The following DCHS2 variants were observed in gnomAD, a reference collection of about 807,000 sequenced individuals.
The protein encoded by DCHS2 is dachsous cadherin-related 2.
A neutral mutation model predicts 182.4 loss-of-function variants in DCHS2; 142 were observed. The observed-to-expected ratio is 0.78, with a 90% CI of 0.68 to 0.89. The LOEUF (loss-of-function observed/expected upper bound fraction) is 0.89, where lower values mean the gene tolerates loss of function less well. Ranked by LOEUF, DCHS2 falls within the 40% of genes least tolerant of loss-of-function variation. The pLI is 0.00. For synonymous variants in DCHS2, 1,740 were observed against 1,663.3 expected (o/e 1.05, Z -1.12); for missense variants, 4,319 against 4,198.6 (o/e 1.03, Z -0.79).
In DCHS2 at chr4:154,400,762, T is replaced by C. The variant is rs1004818847; in HGVS notation, c.2053-23318A>G. On this transcript the variant is annotated intron_variant, in intron 1 of 19. Transcript: ENST00000357232. ...TAGCTACAAAATCCCTCCCTCTCTCTCATGTAACGTTGCACACATTCGCTC... is the reference window on the plus strand; with the variant it reads ...TAGCTACAAAATCCCTCCCTCTCTCCCATGTAACGTTGCACACATTCGCTC... 4.6e-5 allele frequency among the ~76,000 whole-genome samples: 7 copies of C among 152,290 alleles called. No homozygotes were observed. The East Asian group carries it at 1.4e-3, about 29-fold the overall frequency.
chr4:154,363,204 A>T (rs572342550), intron 3 of DCHS2, among the ~76,000 whole-genome samples: 1 of 152,180 alleles, frequency 6.6e-6, no homozygotes. Context: ...CAGAAAGTCT[A>T]CTTCTGAGTA....
chr4:154,258,845 G>A (rs936902969), intron 15 of DCHS2, among the ~76,000 whole-genome samples: 86 of 152,266 alleles, frequency 5.6e-4, no homozygotes, highest in Admixed American at 5.6e-3. Flanking sequence ...GGGCCAAAAG[G>A]AATGACCCTC....
chr4:154,489,879 C>A lies in DCHS2; in HGVS notation c.1477G>T (p.Val493Leu), dbSNP rs1728732701. 9 of 1,542,182 alleles carry A rather than the reference C, an allele frequency of 5.8e-6. No homozygotes were observed. Among genetic ancestry groups the A allele is most frequent in the Non-Finnish European group, 7.9e-6 (9 of 1,141,306 alleles). The change falls in exon 1 of 20, where the codon GTG becomes TTG. Residue 493 changes from valine (V) to leucine (L), a missense_variant. By Grantham distance (32) the Val-to-Leu change is conservative. Transcript: ENST00000357232. ...CTCTCTCTGTCCAGGGGCCCCTCCA[C>A]GCAAAGGAAAAATACCCCTGGGGGG... ...GGPPGVFFLCVEGPLDRESRD... is the reference protein window; with the variant it reads ...GGPPGVFFLCLEGPLDRESRD...
At chr4:154,346,321 C>T (rs779610120) in intron 3 of DCHS2, among the ~76,000 whole-genome samples, 10 of 152,082 alleles carry the variant, frequency 6.6e-5, no homozygotes, top group Non-Finnish European at 7.4e-5. Flanking sequence ...GACAATAGAA[C>T]GGAACAGACA....
At chr4:154,240,952 C>T in intron 17 of DCHS2, 129 bp from the exon 18 acceptor site, 11 of 1,391,538 alleles carry the variant, frequency 7.9e-6, no homozygotes, top group Non-Finnish European at 8.6e-6. Flanking sequence ...CTTGATTTCT[C>T]ATACAAAGCT....
intron 1 of DCHS2, among the ~76,000 whole-genome samples, chr4:154,480,305 A>G (rs1435807880): frequency 6.6e-6 from 1 of 152,230 alleles, no homozygotes; most frequent in Non-Finnish European, 1.5e-5. Context: ...AACAATTGCT[A>G]ATTCTGCACA....
In DCHS2 at chr4:154,433,395, C is replaced by CTTTTTTTTT. The variant is rs61553613; in HGVS notation, c.2052+55900_2052+55908dup. 5.4e-4 allele frequency among the ~76,000 whole-genome samples: 56 copies of CTTTTTTTTT among 103,878 alleles called. 1 individual carries two copies. The highest frequency in any genetic ancestry group is 7.1e-4 in the Non-Finnish European group (38 of 53,872). 68.1% of individuals were successfully genotyped at this position (103,878 alleles called of 152,430 possible). A position where few individuals can be genotyped will look rare whatever the true frequency, so the allele number is the denominator to read the frequency against. Reference sequence around the variant, plus strand: ...ACAAATAACTAGTTTTTTTTTTTTCCTTTTTTTTTTTTTTTTTTGAGACAG... The same window carrying CTTTTTTTTT: ...ACAAATAACTAGTTTTTTTTTTTTCCTTTTTTTTTTTTTTTTTTTTTTTTTTTGAGACAG... On this transcript the variant is annotated intron_variant, in intron 1 of 19. Coordinates refer to ENST00000357232, the MANE Select transcript of DCHS2 (RefSeq NM_001358235.2).
chr4:154,336,126 A>T (rs911971147), intron 3 of DCHS2, among the ~76,000 whole-genome samples: 20 of 152,228 alleles, frequency 1.3e-4, no homozygotes, highest in Non-Finnish European at 2.5e-4. Flanking sequence ...TGGTGAGAAG[A>T]TATAATACAA....
intron 3 of DCHS2, among the ~76,000 whole-genome samples, chr4:154,340,702 C>T (rs1367502493): frequency 6.6e-6 from 1 of 151,874 alleles, no homozygotes; most frequent in African/African-American, 2.4e-5. Flanking sequence ...ATTTTATTTG[C>T]CATATTATGA....
At chr4:154,251,431 G>T (rs868222614) in intron 16 of DCHS2, among the ~76,000 whole-genome samples, 8 of 151,940 alleles carry the variant, frequency 5.3e-5, no homozygotes, top group African/African-American at 1.9e-4. Flanking sequence ...AATTCAATTA[G>T]ATAATAAATG....
chr4:154,376,314 C>A (rs1437694195), intron 2 of DCHS2, among the ~76,000 whole-genome samples: 1 of 151,782 alleles, frequency 6.6e-6, no homozygotes, highest in Non-Finnish European at 1.5e-5. Context: ...CAAGAATGGG[C>A]CAATGAGAAC....
chr4:154,279,060 G>C (rs1427497568), intron 13 of DCHS2, among the ~76,000 whole-genome samples: 2 of 152,080 alleles, frequency 1.3e-5, no homozygotes, highest in African/African-American at 2.4e-5. Context: ...TAGGTTAATG[G>C]ATATGCAATA....
At chr4:154,310,812 T>C (rs1735645811) in intron 10 of DCHS2, among the ~76,000 whole-genome samples, 1 of 152,176 alleles carries the variant, frequency 6.6e-6, no homozygotes, top group Admixed American at 6.5e-5. Flanking sequence ...GATAATTGGA[T>C]CTGATGAGCA....
At chr4:154,458,420 A>G (rs889057426) in intron 1 of DCHS2, among the ~76,000 whole-genome samples, 1 of 152,174 alleles carries the variant, frequency 6.6e-6, no homozygotes, top group African/African-American at 2.4e-5. Flanking sequence ...CCAAGCCTTA[A>G]TTTCACAGAG....
chr4:154,256,382 G>T (rs1425453738), intron 15 of DCHS2, among the ~76,000 whole-genome samples: 1 of 152,080 alleles, frequency 6.6e-6, no homozygotes, highest in Non-Finnish European at 1.5e-5. Flanking sequence ...CGATCCACCT[G>T]CATCAGCCTC....
Position 154,490,679 on chromosome 4 carries a change from C to T in DCHS2, c.677G>A (p.Arg226Gln), listed in dbSNP as rs781378668. ...PAGPFFQLRY[R>Q]TPGPLPSPLL... ...CGGTGACGGTAGTGGCCCCGGAGTC[C>T]GGTAGCGCAACTGGAAGAACGGGCC... is the stretch of plus-strand genomic sequence containing the variant. The change falls in exon 1 of 20, where the codon CGG becomes CAG. Residue 226 changes from arginine to glutamine, a missense_variant. Physicochemically the swap from Arg to Gln is conservative, Grantham distance 43 (BLOSUM62 1). Transcript: ENST00000357232. 6.4e-7 allele frequency: 1 copy of T among 1,551,518 alleles called. No homozygotes were observed. The highest frequency in any genetic ancestry group is 8.7e-7 in the Non-Finnish European group (1 of 1,146,908).
At chr4:154,241,570 G>A (rs997138321) in intron 17 of DCHS2, among the ~76,000 whole-genome samples, 1 of 152,100 alleles carries the variant, frequency 6.6e-6, no homozygotes. Context: ...AATATGCCAA[G>A]ATGCTCAGAA....
intron 9 of DCHS2, among the ~76,000 whole-genome samples, chr4:154,318,261 G>T (rs1735932454): frequency 6.6e-6 from 1 of 150,974 alleles, no homozygotes; most frequent in Non-Finnish European, 1.5e-5. Context: ...ACATATATAA[G>T]TTAAACAACA....
At chr4:154,442,861 C>T (rs914254497) in intron 1 of DCHS2, among the ~76,000 whole-genome samples, 2 of 152,064 alleles carry the variant, frequency 1.3e-5, no homozygotes, top group Admixed American at 1.3e-4. Context: ...ATAGATAACT[C>T]ATCCAGAACC....
Sources: allele counts gnomAD v4.1 joint callset (sites outside exome capture counted in the v4.1 genomes callset), GRCh38; gene constraint gnomAD v4.1.1; transcripts MANE v1.5; gene names NCBI Gene and HGNC (gene_info 2026-07-23, HGNC 2026-07-21).